Variants in CCDC92B observed in about 807,000 individuals in gnomAD.
CCDC92B encodes the protein coiled-coil domain-containing 92B.
In CCDC92B, 2 loss-of-function variants were observed where a neutral mutation model predicts 5.6. The ratio of observed to expected loss-of-function variants is 0.36; its 90% CI spans 0.15 to 1.12. The LOEUF is 1.12. CCDC92B is among the 50% of genes most tolerant of loss of function. The probability of loss-of-function intolerance (pLI) is 0.40; values close to 1 mark genes in which losing one functional copy is unlikely to be tolerated. For synonymous variants in CCDC92B, 115 were observed against 122.3 expected (o/e 0.94, Z 0.39); for missense variants, 271 against 262.2 (o/e 1.03, Z -0.23).
chr17:2,748,353 G>T (rs1204336941), intron 1 of CCDC92B: 1 of 982,228 alleles, frequency 1.0e-6, no homozygotes, highest in Non-Finnish European at 1.2e-6. Flanking sequence ...ACTCTCTCCC[G>T]CCTCTCTGTT....
At chr17:2,742,649 C>T (rs1174667872) in intron 1 of CCDC92B, among the ~76,000 whole-genome samples, 1 of 152,180 alleles carries the variant, frequency 6.6e-6, no homozygotes, top group Middle Eastern at 3.2e-3. Flanking sequence ...CCTGGGTGTT[C>T]TTGTCCCATC....
intron 1 of CCDC92B, among the ~76,000 whole-genome samples, chr17:2,741,794 G>A (rs150020319): frequency 0.02 from 3,016 of 150,994 alleles, 149 homozygotes; most frequent in African/African-American, 0.07. Context: ...GAGTTTCACC[G>A]TGTTAGCCAG....
intron 1 of CCDC92B, among the ~76,000 whole-genome samples, chr17:2,748,947 C>T (rs552767804): frequency 6.6e-6 from 1 of 152,246 alleles, no homozygotes; most frequent in East Asian, 1.9e-4. Context: ...CAGGACCCTC[C>T]ACCTCAGCAA....
intron 1 of CCDC92B, among the ~76,000 whole-genome samples, chr17:2,737,465 C>CTT (rs34254249): frequency 5.6e-4 from 34 of 60,314 alleles, no homozygotes; most frequent in Admixed American, 8.7e-4. Flanking sequence ...ATAGGCCTTT[C>CTT]TTTTTTTTTT....
intron 1 of CCDC92B, chr17:2,748,317 C>T: frequency 8.0e-7 from 1 of 1,243,812 alleles, no homozygotes; most frequent in Middle Eastern, 2.2e-4. Flanking sequence ...ATGAAGCCAT[C>T]CCTGATCCCC....
Position 2,724,072 on chromosome 17 carries a change from G to C in CCDC92B, c.*339C>G. On this transcript the variant is annotated 3_prime_UTR_variant, in exon 4 of 4. Coordinates refer to ENST00000614400, the MANE Select transcript of CCDC92B (RefSeq NM_001355573.2). This position sits in a 1 kb window ranked among gnomAD's most constrained non-coding sequence, Gnocchi z 5.0. Reference sequence around the variant, plus strand: ...AGCCCTCCCCACCCCACCAAGGATTGTCGGCTTTCCCGGGGAAGGGCGTGG... The same window carrying C: ...AGCCCTCCCCACCCCACCAAGGATTCTCGGCTTTCCCGGGGAAGGGCGTGG... The C allele has an allele frequency of 1.2e-6, 1 of 831,910 alleles. No individual in the cohort carries two copies. Among genetic ancestry groups the C allele is most frequent in the Non-Finnish European group, 1.4e-6 (1 of 690,230 alleles). The allele number at this position is 831,910 out of a possible 1,614,324, so 51.5% of individuals were successfully genotyped here.
chr17:2,724,994 G>T lies in CCDC92B; in HGVS notation c.185C>A (p.Ala62Glu). The stretch of plus-strand genomic sequence containing the variant: ...GCACTTGCTCTCCAGCTCCCGGGAC[G>T]CCGCCTCTGGAACGGGGCAGAGGCC... Reference protein sequence around the residue: ...REAQSHQQEAASRELESKCRA... With the variant: ...REAQSHQQEAESRELESKCRA... Residue 62 changes from alanine to glutamate, a missense_variant, in exon 4 of 4, where the codon GCG (alanine) becomes GAG (glutamate). Transcript: ENST00000614400. The surrounding 1 kb of genome is among the most constrained non-coding windows in gnomAD (Gnocchi z 5.0). 3.0e-6 allele frequency: 3 copies of T among 985,260 alleles called. No individual in the cohort carries two copies. The highest frequency in any genetic ancestry group is 3.6e-6 in the Non-Finnish European group (3 of 829,924). 61.0% of individuals were successfully genotyped at this position (985,260 alleles called of 1,614,324 possible).
intron 3 of CCDC92B, among the ~76,000 whole-genome samples, chr17:2,727,717 G>T (rs992515040): frequency 6.6e-5 from 10 of 152,230 alleles, no homozygotes; most frequent in African/African-American, 2.4e-4. Flanking sequence ...CCAGCTACTT[G>T]GGAGGCTGAA....
chr17:2,731,003 A>G (rs2070788989), intron 2 of CCDC92B, among the ~76,000 whole-genome samples: 1 of 152,096 alleles, frequency 6.6e-6, no homozygotes, highest in Non-Finnish European at 1.5e-5. Flanking sequence ...CTTGCTTTTC[A>G]CTATTTTGAC....
chr17:2,734,098 T>C (rs1397970303), intron 2 of CCDC92B, among the ~76,000 whole-genome samples: 1 of 152,088 alleles, frequency 6.6e-6, no homozygotes, highest in Non-Finnish European at 1.5e-5. Context: ...TAAGTGATGC[T>C]TTATCCATCA....
intron 1 of CCDC92B, among the ~76,000 whole-genome samples, chr17:2,736,655 C>G (rs1035512224): frequency 6.6e-6 from 1 of 151,430 alleles, no homozygotes; most frequent in Admixed American, 6.6e-5. Context: ...CCAAGGTCGG[C>G]GGATCACTTG....
At chr17:2,726,606 T>C (rs2151736933) in intron 3 of CCDC92B, among the ~76,000 whole-genome samples, 1 of 146,658 alleles carries the variant, frequency 6.8e-6, no homozygotes, top group South Asian at 2.2e-4. Context: ...CGTGAGCCAC[T>C]GCACCTGGCC....
At chr17:2,728,200 G>C (rs933287833) in intron 3 of CCDC92B, among the ~76,000 whole-genome samples, 7 of 151,580 alleles carry the variant, frequency 4.6e-5, no homozygotes, top group Non-Finnish European at 1.0e-4. Context: ...TGTAGTACCA[G>C]CTAATCTCGA....
At chr17:2,733,549 G>A (rs982729443) in intron 2 of CCDC92B, among the ~76,000 whole-genome samples, 1 of 151,510 alleles carries the variant, frequency 6.6e-6, no homozygotes, top group Non-Finnish European at 1.5e-5. Context: ...GTGAGCCACC[G>A]TGCCCAGCTC....
chr17:2,731,937 C>T (rs2151739800), intron 2 of CCDC92B, among the ~76,000 whole-genome samples: 1 of 152,324 alleles, frequency 6.6e-6, no homozygotes, highest in Non-Finnish European at 1.5e-5. Context: ...CTCAGCTGGG[C>T]TATAGATGAG....
intron 1 of CCDC92B, among the ~76,000 whole-genome samples, chr17:2,747,225 T>C (rs1318885205): frequency 6.6e-6 from 1 of 152,194 alleles, no homozygotes; most frequent in Non-Finnish European, 1.5e-5. Flanking sequence ...CAGCTTTTCC[T>C]AGTGTTTCTT....
At chr17:2,725,200 C>T (rs1036286764) in intron 3 of CCDC92B, among the ~76,000 whole-genome samples, 200 bp from the exon 4 acceptor site, 3 of 151,862 alleles carry the variant, frequency 2.0e-5, no homozygotes, top group African/African-American at 4.8e-5. Context: ...ATGGTGAAAC[C>T]CAGTCTCTAC....
chr17:2,743,227 C>T (rs1244745876), intron 1 of CCDC92B, among the ~76,000 whole-genome samples: 2 of 152,072 alleles, frequency 1.3e-5, no homozygotes, highest in Non-Finnish European at 2.9e-5. Context: ...GTCAGGAGTT[C>T]GAGACCAGCC....
chr17:2,724,426 G>A lies in CCDC92B; in HGVS notation c.753C>T (p.Pro251=). The A allele has an allele frequency of 7.1e-6, 7 of 984,606 alleles. No homozygotes were observed. The highest frequency in any genetic ancestry group is 8.4e-6 in the Non-Finnish European group (7 of 829,716). The allele number at this position is 984,606 out of a possible 1,614,324, so 61.0% of individuals were successfully genotyped here. A position where few individuals can be genotyped will look rare whatever the true frequency, so the allele number is the denominator to read the frequency against. Residue 251 remains proline, a synonymous_variant, in exon 4 of 4, where the codon CCC becomes CCT. Coordinates refer to ENST00000614400, the MANE Select transcript of CCDC92B (RefSeq NM_001355573.2). The surrounding 1 kb of genome is among the most constrained non-coding windows in gnomAD (Gnocchi z 5.0). ...AGCCTGGCGCCTACTCCGGGTCCCC[G>A]GGCGCGCTGGGCTGGCTGGGCGCGG... ...PQPAPSQPSA[P]GDPE is the part of the protein sequence containing the mutation.
Sources: allele counts gnomAD v4.1 joint callset (sites outside exome capture counted in the v4.1 genomes callset), GRCh38; gene constraint gnomAD v4.1.1; non-coding constraint Gnocchi (gnomAD v3.1); transcripts MANE v1.5; gene names NCBI Gene and HGNC (gene_info 2026-07-23, HGNC 2026-07-21).